The following CADPS2 variants were observed in gnomAD, a reference collection of about 807,000 sequenced individuals.
CADPS2 encodes the protein calcium-dependent secretion activator 2.
In CADPS2, 93 loss-of-function variants were observed where a neutral mutation model predicts 172.5. The ratio of observed to expected loss-of-function variants is 0.54; its 90% confidence interval spans 0.46 to 0.64. CADPS2 has a LOEUF of 0.64. CADPS2 is among the 30% of genes least tolerant of loss of function. The pLI is 0.00. For missense variants in CADPS2, 1,420 were observed against 1,565.9 expected, an observed-to-expected ratio of 0.91 and a Z score of 1.57; for synonymous variants, 546 against 555.2, an observed-to-expected ratio of 0.98 and a Z score of 0.23.
chr7:122,559,440 T>C (rs2132146142), intron 7 of CADPS2, among the ~76,000 whole-genome samples: 1 of 152,220 alleles, frequency 6.6e-6, no homozygotes, highest in Admixed American at 6.5e-5. Context: ...ACTCATTACA[T>C]TTTCTGCCAT....
At chr7:122,446,573 T>C (rs2052238921) in intron 15 of CADPS2, among the ~76,000 whole-genome samples, 1 of 152,196 alleles carries the variant, frequency 6.6e-6, no homozygotes, top group Non-Finnish European at 1.5e-5. Context: ...TGTGTTAGCA[T>C]TAGAGATTCC....
At chr7:122,376,210 C>T (rs1356262693) in intron 25 of CADPS2, among the ~76,000 whole-genome samples, 2 of 152,064 alleles carry the variant, frequency 1.3e-5, no homozygotes, top group South Asian at 2.1e-4. Flanking sequence ...TATGATTTAG[C>T]GATCCCATTA....
intron 6 of CADPS2, 138 bp downstream of exon 6, chr7:122,615,043 C>G (rs2074739340): frequency 8.4e-6 from 4 of 475,852 alleles, no homozygotes; most frequent in Non-Finnish European, 1.5e-5. Flanking sequence ...CTAGTTCTAA[C>G]ACATTTGAGA....
intron 3 of CADPS2, among the ~76,000 whole-genome samples, chr7:122,653,778 G>A (rs866633304): frequency 4.6e-5 from 7 of 152,002 alleles, no homozygotes; most frequent in Non-Finnish European, 8.8e-5. Flanking sequence ...GATCTTTGAT[G>A]TCACTATTGG....
chr7:122,603,189 G>A (rs1046802740), intron 6 of CADPS2, among the ~76,000 whole-genome samples: 3 of 151,980 alleles, frequency 2.0e-5, no homozygotes, highest in East Asian at 3.9e-4. Flanking sequence ...CCATTTGAAT[G>A]TAGCTAACTC....
chr7:122,324,910 A>G (rs944165768), intron 29 of CADPS2, among the ~76,000 whole-genome samples: 16 of 152,300 alleles, frequency 1.1e-4, no homozygotes, highest in Non-Finnish European at 2.2e-4. Context: ...TTCAAGAGCT[A>G]AAGTCAAAAT....
intron 8 of CADPS2, among the ~76,000 whole-genome samples, chr7:122,546,670 T>C (rs1176333066): frequency 6.6e-6 from 1 of 152,200 alleles, no homozygotes; most frequent in Non-Finnish European, 1.5e-5. Flanking sequence ...TTCTGGTTTA[T>C]GTAACCTTCT....
intron 8 of CADPS2, among the ~76,000 whole-genome samples, chr7:122,532,517 C>A (rs1022593498): frequency 6.6e-6 from 1 of 151,958 alleles, no homozygotes; most frequent in Admixed American, 6.6e-5. Context: ...CACTGCCGCA[C>A]TCCGACCTCT....
At chr7:122,784,905 A>T (rs1344490807) in intron 1 of CADPS2, among the ~76,000 whole-genome samples, 1 of 151,770 alleles carries the variant, frequency 6.6e-6, no homozygotes, top group African/African-American at 2.4e-5. Flanking sequence ...TACCTTTCCT[A>T]TTTCCTATTT....
intron 13 of CADPS2, 55 bp downstream of exon 13, chr7:122,474,326 G>A (rs2056362735): frequency 6.5e-7 from 1 of 1,526,854 alleles, no homozygotes; most frequent in Non-Finnish European, 9.0e-7. Flanking sequence ...CAACTTATAG[G>A]GGATCTAAAA....
chr7:122,517,001 T>G (rs140709071), intron 8 of CADPS2, among the ~76,000 whole-genome samples: 3 of 152,156 alleles, frequency 2.0e-5, no homozygotes, highest in African/African-American at 7.2e-5. Context: ...AATCAACTTA[T>G]AGAACATTTC....
intron 1 of CADPS2, among the ~76,000 whole-genome samples, chr7:122,788,610 T>A (rs1337318707): frequency 6.6e-6 from 1 of 152,170 alleles, no homozygotes; most frequent in Non-Finnish European, 1.5e-5. Context: ...TTATAAGTGG[T>A]TTCTCTGCTG....
chr7:122,504,677 C>T (rs939130161), intron 9 of CADPS2, among the ~76,000 whole-genome samples: 1 of 152,114 alleles, frequency 6.6e-6, no homozygotes, highest in African/African-American at 2.4e-5. Context: ...AGTGATCCTC[C>T]CACCTCAGCC....
At chr7:122,320,386 T>C in intron 29 of CADPS2, 48 bp from the exon 30 acceptor site, 3 of 1,426,258 alleles carry the variant, frequency 2.1e-6, no homozygotes, top group Non-Finnish European at 2.8e-6. Flanking sequence ...ATTATATGCG[T>C]GTACATAGAT....
At chr7:122,477,051 GAAGA>G (rs1430404474) in intron 12 of CADPS2, among the ~76,000 whole-genome samples, 6 of 32,672 alleles carry the variant, frequency 1.8e-4, no homozygotes, top group African/African-American at 1.2e-3. Flanking sequence ...AGGAGAGAGA[GAAGA>G]GAGAGAGAGA....
At chr7:122,535,697 G>T (rs567840165) in intron 8 of CADPS2, among the ~76,000 whole-genome samples, 1 of 152,092 alleles carries the variant, frequency 6.6e-6, no homozygotes, top group East Asian at 1.9e-4. Context: ...TTGGATTTTT[G>T]ATAATAACTC....
chr7:122,793,223 A>C (rs1037615527), intron 1 of CADPS2, among the ~76,000 whole-genome samples: 1 of 152,086 alleles, frequency 6.6e-6, no homozygotes, highest in East Asian at 1.9e-4. Context: ...AATTTTCATT[A>C]TAATATCTTC....
chr7:122,655,813 C>A (rs925790233), intron 3 of CADPS2, among the ~76,000 whole-genome samples: 3 of 152,038 alleles, frequency 2.0e-5, no homozygotes, highest in South Asian at 4.1e-4. Context: ...TTTATAATTT[C>A]TTTTTGTTTT....
chr7:122,688,319 C>T (rs982853740), intron 2 of CADPS2, among the ~76,000 whole-genome samples: 1 of 152,212 alleles, frequency 6.6e-6, no homozygotes, highest in Non-Finnish European at 1.5e-5. Flanking sequence ...TTGTAGGCGA[C>T]CCACCCAATT....
Sources: gnomAD v4.1 joint callset for allele counts (sites outside exome capture counted in the v4.1 genomes callset) on GRCh38, gnomAD v4.1.1 for gene constraint, MANE v1.5 for transcripts, NCBI Gene and HGNC (gene_info 2026-07-23, HGNC 2026-07-21) for gene names.